Variants in RBFOX1 observed in about 807,000 individuals in gnomAD.
The protein encoded by RBFOX1 is RNA binding protein fox-1 homolog 1.
A neutral mutation model predicts 57.7 loss-of-function variants in RBFOX1; 8 were observed. The observed-to-expected ratio is 0.14, with a 90% confidence interval of 0.08 to 0.25. The LOEUF (loss-of-function observed/expected upper bound fraction) is 0.25, where lower values mean the gene tolerates loss of function less well. RBFOX1 is among the 10% of genes least tolerant of loss of function. The probability of loss-of-function intolerance (pLI) is 1.00; values close to 1 mark genes in which losing one functional copy is unlikely to be tolerated. For missense variants in RBFOX1, 611 were observed against 548.5 expected (o/e 1.11, Z -1.14); for synonymous variants, 326 against 222.4 (o/e 1.47, Z -4.15).
At chr16:5,617,087 C>G (rs765434774) in intron 3 of RBFOX1, among the ~76,000 whole-genome samples, 5 of 151,886 alleles carry the variant, frequency 3.3e-5, no homozygotes, top group Non-Finnish European at 5.9e-5. Flanking sequence ...CATCCATTCC[C>G]TCCCTCACTC....
chr16:6,374,670 G>T (rs1596308816), intron 2 of RBFOX1, among the ~76,000 whole-genome samples: 1 of 152,162 alleles, frequency 6.6e-6, no homozygotes, highest in East Asian at 1.9e-4. Context: ...TCTTGTGCAA[G>T]GCGACCAAGT....
intron 4 of RBFOX1, among the ~76,000 whole-genome samples, chr16:7,226,231 A>G (rs529471180): frequency 2.6e-5 from 4 of 152,322 alleles, no homozygotes; most frequent in Non-Finnish European, 2.9e-5. Context: ...AGTCAGAAGC[A>G]TGGATATTCT....
At chr16:7,676,443 G>A (rs2073296542) in intron 13 of RBFOX1, among the ~76,000 whole-genome samples, 1 of 152,160 alleles carries the variant, frequency 6.6e-6, no homozygotes, top group African/African-American at 2.4e-5. Flanking sequence ...GTTCAGCAAA[G>A]TATAAAGAGT....
At chr16:7,020,069 C>G (rs1006111765) in intron 3 of RBFOX1, among the ~76,000 whole-genome samples, 1 of 151,526 alleles carries the variant, frequency 6.6e-6, no homozygotes, top group African/African-American at 2.4e-5. Flanking sequence ...CCTTTCATGT[C>G]TTCCTGTAGC....
chr16:6,941,828 T>C lies in RBFOX1; in HGVS notation c.-15-110229T>C, dbSNP rs2078577249. The stretch of plus-strand genomic sequence containing the variant: ...CCTAACAAATAAGAATGAGCTGCTT[T>C]TTTTTCCCCCTAACTCTTTCCCATC... On this transcript the variant is annotated intron_variant, in intron 3 of 15. Coordinates refer to ENST00000550418, the MANE Select transcript of RBFOX1 (RefSeq NM_018723.4). Among the ~76,000 whole-genome samples, 2 of 152,054 alleles carry C rather than the reference T, an allele frequency of 1.3e-5. 1 individual carries two copies. The highest frequency in any genetic ancestry group is 4.1e-4 in the South Asian group (2 of 4,828).
At chr16:5,363,761 CTG>C (rs138685107) in intron 1 of RBFOX1, among the ~76,000 whole-genome samples, 312 of 152,336 alleles carry the variant, frequency 2.0e-3, no homozygotes, top group African/African-American at 7.1e-3. Flanking sequence ...GTCTTATTCA[CTG>C]TTGTATTACC....
At chr16:5,554,424 A>T (rs1361363719) in intron 2 of RBFOX1, among the ~76,000 whole-genome samples, 3 of 152,182 alleles carry the variant, frequency 2.0e-5, no homozygotes, top group Non-Finnish European at 4.4e-5. Flanking sequence ...CTATATTTTC[A>T]AAAGAGGTTC....
intron 11 of RBFOX1, among the ~76,000 whole-genome samples, chr16:7,640,154 C>G (rs2062524499): frequency 6.6e-6 from 1 of 152,214 alleles, no homozygotes; most frequent in African/African-American, 2.4e-5. Flanking sequence ...ACCACTACCC[C>G]CAACTTCTTC....
intron 3 of RBFOX1, among the ~76,000 whole-genome samples, chr16:7,021,382 A>G (rs918365086): frequency 4.1e-5 from 6 of 146,018 alleles, no homozygotes; most frequent in Admixed American, 3.4e-4. Flanking sequence ...ATATTTTAAA[A>G]TATTTTTATT....
intron 4 of RBFOX1, among the ~76,000 whole-genome samples, chr16:7,282,661 G>C (rs977297272): frequency 3.3e-5 from 5 of 152,078 alleles, no homozygotes; most frequent in African/African-American, 1.2e-4. Context: ...TGATTTGTGA[G>C]ATTTGGGTGC....
At chr16:7,689,757 G>A (rs930744457) in intron 14 of RBFOX1, among the ~76,000 whole-genome samples, 2 of 152,028 alleles carry the variant, frequency 1.3e-5, no homozygotes, top group African/African-American at 4.8e-5. Context: ...TTGAGTAAAT[G>A]CATAAGAAGT....
At chr16:7,044,488 A>C (rs555711158) in intron 3 of RBFOX1, among the ~76,000 whole-genome samples, 1 of 152,202 alleles carries the variant, frequency 6.6e-6, no homozygotes, top group East Asian at 1.9e-4. Flanking sequence ...AATCCCTGCT[A>C]TTAAACATCT....
chr16:5,666,194 A>G (rs2049838827), intron 3 of RBFOX1, among the ~76,000 whole-genome samples: 1 of 152,200 alleles, frequency 6.6e-6, no homozygotes, highest in Non-Finnish European at 1.5e-5. Context: ...CTGGGAAGGA[A>G]AGGGAGGGCA....
At chr16:5,966,583 T>C (rs1290913675) in intron 4 of RBFOX1, among the ~76,000 whole-genome samples, 2 of 152,194 alleles carry the variant, frequency 1.3e-5, no homozygotes, top group Non-Finnish European at 2.9e-5. Context: ...GCCTCCCAAG[T>C]AGCTGGGATT....
At chr16:7,451,522 A>AG (rs572053537) in intron 4 of RBFOX1, among the ~76,000 whole-genome samples, 42 of 152,210 alleles carry the variant, frequency 2.8e-4, no homozygotes, top group Non-Finnish European at 4.6e-4. Context: ...ACTTATAAGC[A>AG]GTGGTGGAGG....
chr16:6,651,990 C>T (rs549417598), intron 2 of RBFOX1, among the ~76,000 whole-genome samples: 1 of 152,156 alleles, frequency 6.6e-6, no homozygotes, highest in East Asian at 1.9e-4. Flanking sequence ...TGTATGATTC[C>T]ACTTAAGCAA....
chr16:7,092,216 T>G (rs1362537867), intron 4 of RBFOX1, among the ~76,000 whole-genome samples: 3 of 152,218 alleles, frequency 2.0e-5, no homozygotes, highest in African/African-American at 7.2e-5. Context: ...ATTAGTAGGG[T>G]TTGTTGTTGT....
chr16:6,853,094 C>T (rs1244000493), intron 3 of RBFOX1, among the ~76,000 whole-genome samples: 5 of 152,110 alleles, frequency 3.3e-5, no homozygotes, highest in East Asian at 1.9e-4. Flanking sequence ...CAGTTCTATC[C>T]CTCCCTCCAT....
At chr16:7,521,456 A>G (rs192820443) in intron 5 of RBFOX1, among the ~76,000 whole-genome samples, 1 of 152,300 alleles carries the variant, frequency 6.6e-6, no homozygotes, top group East Asian at 1.9e-4. Flanking sequence ...CTTAAAGGAA[A>G]TTTAATCTAG....
Sources: allele counts gnomAD v4.1 joint callset (sites outside exome capture counted in the v4.1 genomes callset), GRCh38; gene constraint gnomAD v4.1.1; transcripts MANE v1.5; gene names NCBI Gene and HGNC (gene_info 2026-07-23, HGNC 2026-07-21).